Variants in XIRP2 observed in about 807,000 individuals in gnomAD.
XIRP2 encodes the protein xin actin-binding repeat-containing protein 2.
In XIRP2, 236 loss-of-function variants were observed where a neutral mutation model predicts 277.0. The ratio of observed to expected loss-of-function variants is 0.85; its 90% CI spans 0.77 to 0.95. The LOEUF (loss-of-function observed/expected upper bound fraction) is 0.95, where lower values mean the gene tolerates loss of function less well. Among genes scored for constraint, XIRP2 ranks in the 40% least tolerant of loss-of-function variants. The pLI is 0.00. For missense variants in XIRP2, 4,640 were observed against 4,157.5 expected (o/e 1.12, Z -3.19); for synonymous variants, 1,490 against 1,416.5 (o/e 1.05, Z -1.17).
chr2:167,152,418 A>T (rs1692044158), intron 3 of XIRP2, among the ~76,000 whole-genome samples: 1 of 151,964 alleles, frequency 6.6e-6, no homozygotes, highest in African/African-American at 2.4e-5. Flanking sequence ...CAAACCAAGC[A>T]TAAAAGCACT....
chr2:167,179,382 G>A (rs1297043306), intron 3 of XIRP2, among the ~76,000 whole-genome samples: 9 of 144,930 alleles, frequency 6.2e-5, no homozygotes, highest in African/African-American at 1.5e-4. Flanking sequence ...GTGCAATGGC[G>A]CCATCTCGGC....
At chr2:166,994,866 T>C (rs1171879719) in intron 2 of XIRP2, among the ~76,000 whole-genome samples, 1 of 152,000 alleles carries the variant, frequency 6.6e-6, no homozygotes, top group African/African-American at 2.4e-5. Context: ...ACATTTTTAA[T>C]CCTATAAATA....
At chr2:166,910,297 A>T (rs1167048360) in intron 2 of XIRP2, among the ~76,000 whole-genome samples, 1 of 152,138 alleles carries the variant, frequency 6.6e-6, no homozygotes, top group East Asian at 1.9e-4. Context: ...ACAGCCAGTT[A>T]TTAGTCTATT....
chr2:167,127,615 G>C (rs1691245782), intron 2 of XIRP2, among the ~76,000 whole-genome samples: 1 of 152,116 alleles, frequency 6.6e-6, no homozygotes, highest in South Asian at 2.1e-4. Flanking sequence ...CCTTATTGCT[G>C]CTGAGCCCTA....
chr2:166,901,889 C>T (rs985860002), intron 1 of XIRP2, among the ~76,000 whole-genome samples: 1 of 152,112 alleles, frequency 6.6e-6, no homozygotes. Flanking sequence ...ACCCACCTTT[C>T]GTCTTCCAAG....
At chr2:166,994,403 A>C (rs1687147227) in intron 2 of XIRP2, among the ~76,000 whole-genome samples, 5 of 130,684 alleles carry the variant, frequency 3.8e-5, no homozygotes, top group African/African-American at 1.2e-4. Context: ...GGTGCAGCGC[A>C]CCAGCATGGC....
chr2:167,208,052 C>A (rs567070212), intron 3 of XIRP2, among the ~76,000 whole-genome samples: 1 of 152,198 alleles, frequency 6.6e-6, no homozygotes, highest in African/African-American at 2.4e-5. Context: ...CCAGCTATAC[C>A]ATTAACTCAA....
At chr2:167,070,181 A>C (rs1689403440) in intron 2 of XIRP2, among the ~76,000 whole-genome samples, 1 of 151,890 alleles carries the variant, frequency 6.6e-6, no homozygotes, top group Non-Finnish European at 1.5e-5. Context: ...ATCCATAGTC[A>C]TGTGCTCCTT....
intron 1 of XIRP2, among the ~76,000 whole-genome samples, chr2:166,889,235 CA>C (rs1276250744): frequency 6.6e-6 from 1 of 152,146 alleles, no homozygotes; most frequent in Non-Finnish European, 1.5e-5. Flanking sequence ...CTAAAAACAG[CA>C]AAAAACATTC....
chr2:167,235,096 T>C (rs764815810), intron 5 of XIRP2, among the ~76,000 whole-genome samples: 29 of 151,902 alleles, frequency 1.9e-4, no homozygotes, highest in Non-Finnish European at 3.4e-4. Context: ...GGAGGGTACA[T>C]GTGCATGTTT....
At chr2:167,103,401 T>C (rs1052841076) in intron 2 of XIRP2, among the ~76,000 whole-genome samples, 6 of 152,204 alleles carry the variant, frequency 3.9e-5, no homozygotes, top group Admixed American at 2.0e-4. Flanking sequence ...TGCTTTAGTT[T>C]TATTGTTGTT....
At chr2:167,193,589 G>A (rs1401937276) in intron 3 of XIRP2, among the ~76,000 whole-genome samples, 1 of 152,076 alleles carries the variant, frequency 6.6e-6, no homozygotes, top group Admixed American at 6.6e-5. Flanking sequence ...TTAACCTTGA[G>A]TAGAGAGGCT....
intron 5 of XIRP2, among the ~76,000 whole-genome samples, chr2:167,238,961 GA>G (rs1270276350): frequency 2.0e-5 from 3 of 152,070 alleles, no homozygotes; most frequent in African/African-American, 7.2e-5. Context: ...AAATTAATAG[GA>G]GCTCCAAGTT....
intron 2 of XIRP2, among the ~76,000 whole-genome samples, chr2:166,981,895 TA>T (rs1415224397): frequency 6.6e-6 from 1 of 152,224 alleles, no homozygotes; most frequent in African/African-American, 2.4e-5. Context: ...ATACTTTAAA[TA>T]AGATGAAAAC....
chr2:166,936,182 A>C (rs1404011551), intron 2 of XIRP2, among the ~76,000 whole-genome samples: 1 of 152,048 alleles, frequency 6.6e-6, no homozygotes, highest in Non-Finnish European at 1.5e-5. Context: ...GCATTTTTTC[A>C]TGTGTCTGTT....
rs371761650 is a variant in XIRP2, at chr2:167,091,979, C to T, written c.409-43930C>T. Among the ~76,000 whole-genome samples the T allele has an allele frequency of 2.6e-5, 4 of 152,212 alleles. No individual in the cohort carries two copies. The South Asian group carries it at 6.2e-4, about 24-fold the overall frequency. ...GCAGCGAACTTGAGGATAAAAGCAA[C>T]ACCAAATGTGATTGTGTTGACTTGT... On this transcript the variant is annotated intron_variant, in intron 2 of 10. Transcript: ENST00000409195.
chr2:167,157,261 A>G (rs1410365450), intron 3 of XIRP2, among the ~76,000 whole-genome samples: 1 of 151,920 alleles, frequency 6.6e-6, no homozygotes, highest in African/African-American at 2.4e-5. Context: ...CATCCTCTCA[A>G]TTTTCAGGAA....
intron 2 of XIRP2, among the ~76,000 whole-genome samples, chr2:167,111,761 T>C (rs1174980640): frequency 1.3e-5 from 2 of 152,178 alleles, no homozygotes; most frequent in East Asian, 3.9e-4. Context: ...CTGTTTTTTA[T>C]ACATCTGGTA....
At chr2:167,143,448 G>A (rs917612634) in intron 3 of XIRP2, among the ~76,000 whole-genome samples, 2 of 152,100 alleles carry the variant, frequency 1.3e-5, no homozygotes, top group Non-Finnish European at 1.5e-5. Context: ...AGAAAGGGTG[G>A]AAATTCCAAG....
Sources: gnomAD v4.1 joint callset for allele counts (sites outside exome capture counted in the v4.1 genomes callset) on GRCh38, gnomAD v4.1.1 for gene constraint, MANE v1.5 for transcripts, NCBI Gene and HGNC (gene_info 2026-07-23, HGNC 2026-07-21) for gene names.